FMNL2: variants seen among roughly 807,000 people sequenced by gnomAD.
FMNL2 encodes formin like 2, also known as formin-like protein 2.
A neutral mutation model predicts 130.2 loss-of-function variants in FMNL2; 51 were observed. The ratio of observed to expected loss-of-function variants is 0.39; its 90% confidence interval spans 0.31 to 0.49. The LOEUF (loss-of-function observed/expected upper bound fraction) is 0.49. FMNL2 is among the 20% of genes least tolerant of loss of function. The pLI is 0.85. For missense variants in FMNL2, 977 were observed against 1,316.2 expected (o/e 0.74, Z 3.99); for synonymous variants, 465 against 467.1 (o/e 1.00, Z 0.06).
chr2:152,611,650 A>C (rs528522052), intron 11 of FMNL2, 45 bp downstream of exon 11: 4 of 1,247,676 alleles, frequency 3.2e-6, no homozygotes, highest in Non-Finnish European at 4.6e-6. Context: ...GAATTGACTT[A>C]TTATTGCCTG....
intron 9 of FMNL2, among the ~76,000 whole-genome samples, chr2:152,601,881 G>C (rs1030483547): frequency 6.6e-6 from 1 of 151,738 alleles, no homozygotes; most frequent in African/African-American, 2.4e-5. Flanking sequence ...TGTTGGCCAG[G>C]CTGGTCTCAA....
intron 1 of FMNL2, among the ~76,000 whole-genome samples, chr2:152,456,145 C>T (rs1360062558): frequency 1.3e-5 from 2 of 152,184 alleles, no homozygotes; most frequent in African/African-American, 4.8e-5. Flanking sequence ...GAAATTTTGT[C>T]CTTTCTCTAA....
intron 1 of FMNL2, among the ~76,000 whole-genome samples, chr2:152,519,291 A>C (rs1049907848): frequency 6.6e-6 from 1 of 152,144 alleles, no homozygotes; most frequent in Non-Finnish European, 1.5e-5. Context: ...CCCCACCATA[A>C]CACAGTGCTC....
intron 12 of FMNL2, among the ~76,000 whole-genome samples, chr2:152,616,788 T>C (rs1465851766): frequency 6.6e-6 from 1 of 152,182 alleles, no homozygotes. Flanking sequence ...TCCCTCCTCT[T>C]TCTCCTTACT....
intron 3 of FMNL2, among the ~76,000 whole-genome samples, chr2:152,543,350 C>G (rs780500203): frequency 1.3e-5 from 2 of 149,742 alleles, no homozygotes; most frequent in Non-Finnish European, 3.0e-5. Flanking sequence ...CTTTTACAAA[C>G]AAGCCCTGCT....
At chr2:152,427,052 C>T (rs773241263) in intron 1 of FMNL2, among the ~76,000 whole-genome samples, 1 of 152,154 alleles carries the variant, frequency 6.6e-6, no homozygotes, top group Non-Finnish European at 1.5e-5. Flanking sequence ...TCCAACTCCT[C>T]GTAGGAGAGG....
intron 1 of FMNL2, among the ~76,000 whole-genome samples, chr2:152,421,508 A>G (rs770309331): frequency 1.3e-5 from 2 of 152,204 alleles, no homozygotes; most frequent in Non-Finnish European, 2.9e-5. Context: ...AGGGGGAAAT[A>G]TAGGAGTGGC....
intron 1 of FMNL2, among the ~76,000 whole-genome samples, chr2:152,359,096 T>C (rs1683010660): frequency 6.6e-6 from 1 of 152,202 alleles, no homozygotes; most frequent in African/African-American, 2.4e-5. Flanking sequence ...GAGCTTACAG[T>C]GTATTTCCAG....
intron 1 of FMNL2, among the ~76,000 whole-genome samples, chr2:152,428,533 AATT>A (rs1286559853): frequency 1.3e-5 from 2 of 152,170 alleles, no homozygotes; most frequent in Admixed American, 1.3e-4. Flanking sequence ...CTTATTGCAT[AATT>A]TAAGAGCCTT....
At chr2:152,404,494 C>T (rs982593456) in intron 1 of FMNL2, among the ~76,000 whole-genome samples, 1 of 152,120 alleles carries the variant, frequency 6.6e-6, no homozygotes, top group African/African-American at 2.4e-5. Context: ...CAGAATTACT[C>T]GTAATGGGGT....
At chr2:152,426,349 GC>G (rs1687200911) in intron 1 of FMNL2, among the ~76,000 whole-genome samples, 1 of 152,212 alleles carries the variant, frequency 6.6e-6, no homozygotes. Context: ...TAGACAAGCA[GC>G]CGGTAGAGAT....
chr2:152,364,253 G>GTT (rs1683357568), intron 1 of FMNL2, among the ~76,000 whole-genome samples: 1 of 112,136 alleles, frequency 8.9e-6, no homozygotes, highest in African/African-American at 3.3e-5. Context: ...CCGTTAGGAG[G>GTT]TTTGTGTGTT....
intron 1 of FMNL2, among the ~76,000 whole-genome samples, chr2:152,470,162 C>T (rs1457778085): frequency 6.6e-6 from 1 of 152,040 alleles, no homozygotes; most frequent in African/African-American, 2.4e-5. Flanking sequence ...ACAAAGGTGG[C>T]TATTTTAGAG....
intron 1 of FMNL2, among the ~76,000 whole-genome samples, chr2:152,494,325 A>G (rs1691377194): frequency 2.0e-5 from 3 of 152,240 alleles, no homozygotes; most frequent in Non-Finnish European, 4.4e-5. Context: ...AATAACACAT[A>G]TCTTTTCAGT....
chr2:152,604,603 GT>G (rs374452750), intron 9 of FMNL2, among the ~76,000 whole-genome samples: 1 of 148,218 alleles, frequency 6.7e-6, no homozygotes, highest in Non-Finnish European at 1.5e-5. Flanking sequence ...AAAGTACACT[GT>G]TTTTTTTTTG....
At chr2:152,562,807 T>A (rs1050351410) in intron 6 of FMNL2, among the ~76,000 whole-genome samples, 16 of 152,204 alleles carry the variant, frequency 1.1e-4, no homozygotes, top group African/African-American at 3.9e-4. Context: ...AATTTCCTGA[T>A]CACCTTGGTA....
chr2:152,553,227 G>T (rs1036255257), intron 4 of FMNL2, among the ~76,000 whole-genome samples: 1 of 152,172 alleles, frequency 6.6e-6, no homozygotes, highest in Non-Finnish European at 1.5e-5. Context: ...CATACAACAC[G>T]TATGGGAGTG....
At chr2:152,640,123 C>T in intron 24 of FMNL2, 67 bp downstream of exon 24, 3 of 1,376,374 alleles carry the variant, frequency 2.2e-6, no homozygotes, top group Admixed American at 5.8e-5. Flanking sequence ...CAGAGCAAGC[C>T]ATACAAAGGA....
chr2:152,425,920 G>C (rs1223273644), intron 1 of FMNL2, among the ~76,000 whole-genome samples: 1 of 152,210 alleles, frequency 6.6e-6, no homozygotes, highest in Non-Finnish European at 1.5e-5. Flanking sequence ...AGAATACACA[G>C]AGAGGGTTGC....
Sources: allele counts gnomAD v4.1 joint callset (sites outside exome capture counted in the v4.1 genomes callset), GRCh38; gene constraint gnomAD v4.1.1; transcripts MANE v1.5; gene names NCBI Gene and HGNC (gene_info 2026-07-23, HGNC 2026-07-21).